Variants in MYRF observed in about 807,000 individuals in gnomAD.
MYRF encodes myelin regulatory factor.
Under a neutral mutation model 126.3 loss-of-function variants are expected in MYRF, and 16 were observed. The observed-to-expected ratio is 0.13, with a 90% CI of 0.09 to 0.19. The LOEUF is 0.19. MYRF is among the 10% of genes least tolerant of loss of function. MYRF has a pLI of 1.00. For missense variants in MYRF, 1,104 were observed against 1,547.0 expected (o/e 0.71, Z 4.80); for synonymous variants, 608 against 635.3 (o/e 0.96, Z 0.65).
chr11:61,766,698 C>T, intron 3 of MYRF: 1 of 266,818 alleles, frequency 3.7e-6, no homozygotes, highest in Non-Finnish European at 7.4e-6. Flanking sequence ...GAACCCAGGC[C>T]CTTCCCCCCA....
Position 61,770,345 on chromosome 11 carries a change from G to GCCCCCCCCCCCCCCC in MYRF, c.566_567insCCCCCCCCCCCCCCC (p.Pro192_Pro196dup). 1.3e-6 allele frequency: 2 copies of GCCCCCCCCCCCCCCC among 1,504,824 alleles called. No homozygotes were observed. The highest frequency in any genetic ancestry group is 9.0e-7 in the Non-Finnish European group (1 of 1,109,486). The allele number at this position is 1,504,824 out of a possible 1,614,324, so 93.2% of individuals were successfully genotyped here. On this transcript the variant is annotated inframe_insertion, in exon 5 of 27. Coordinates refer to ENST00000278836, the MANE Select transcript of MYRF (RefSeq NM_001127392.3). ...CCCCCACCTCCAGCCCACTTGCCAGGCCCCCCGCCACCCCCACCACCCCCA... is the reference window on the plus strand; with the variant it reads ...CCCCCACCTCCAGCCCACTTGCCAGGCCCCCCCCCCCCCCCCCCCCCGCCACCCCCACCACCCCCA...
chr11:61,779,228 T>TTGGCCCATGGCCCA (rs534400107), intron 14 of MYRF, 35 bp from the exon 15 acceptor site: 247 of 1,527,414 alleles, frequency 1.6e-4, no homozygotes, highest in African/African-American at 3.6e-4. Context: ...GCCCTCTGTG[T>TTGGCCCATGGCCCA]TGGCCCATGG....
chr11:61,777,608 C>T lies in MYRF; in HGVS notation c.1792-126C>T. ...AGGGAGGCTGGCCTCGAATCCCGAT[C>T]TAACCACTCCAGTGGTGGGGTCTCC... On this transcript the variant is annotated intron_variant, in intron 12 of 26. Transcript: ENST00000278836. This position sits in a 1 kb window ranked among gnomAD's most constrained non-coding sequence, Gnocchi z 8.8. 7.6e-7 allele frequency: 1 copy of T among 1,317,432 alleles called. No individual in the cohort carries two copies. Among genetic ancestry groups the T allele is most frequent in the African/African-American group, 1.5e-5 (1 of 68,408 alleles). The allele number at this position is 1,317,432 out of a possible 1,614,324, so 81.6% of individuals were successfully genotyped here. A position where few individuals can be genotyped will look rare whatever the true frequency, so the allele number is the denominator to read the frequency against.
chr11:61,759,793 AG>A (rs1166726815), intron 1 of MYRF, among the ~76,000 whole-genome samples: 3 of 152,110 alleles, frequency 2.0e-5, no homozygotes, highest in African/African-American at 7.2e-5. Context: ...AGAACCTGAT[AG>A]AAAAACGGCT....
chr11:61,766,658 C>G (rs1265831334), intron 3 of MYRF: 1 of 247,268 alleles, frequency 4.0e-6, no homozygotes, highest in Non-Finnish European at 8.0e-6. Flanking sequence ...CCTCAGTTCC[C>G]CCCTACCCAA....
In MYRF at chr11:61,776,174, C is replaced by T; in HGVS notation, c.1388+42C>T. On this transcript the variant is annotated intron_variant, in intron 9 of 26. Coordinates refer to ENST00000278836, the MANE Select transcript of MYRF (RefSeq NM_001127392.3). The surrounding 1 kb of genome is among the most constrained non-coding windows in gnomAD (Gnocchi z 4.3). The stretch of plus-strand genomic sequence containing the variant: ...GTTGGGGGTGGTACCTAGAAGGGTC[C>T]ACAACTAAAGCTGGCTTGGGAATGG... 6.2e-6 allele frequency: 10 copies of T among 1,606,990 alleles called. No homozygotes were observed. Among genetic ancestry groups the T allele is most frequent in the Non-Finnish European group, 8.5e-6 (10 of 1,173,630 alleles).
rs1591137265 is a variant in MYRF at position 61,785,947 on chromosome 11, G to T, written c.3375+73G>T. 14 of 1,570,882 alleles carry T rather than the reference G, an allele frequency of 8.9e-6. No individual in the cohort carries two copies. In the South Asian group the frequency reaches 1.6e-4, roughly 17 times the overall value. On this transcript the variant is annotated intron_variant, in intron 26 of 26. Coordinates refer to ENST00000278836, the MANE Select transcript of MYRF (RefSeq NM_001127392.3). ...TGCGACGTGGGGCTTGAGGAATGGG[G>T]GGTTTGCACAGTATGTGGTAGGGCT...
Position 61,774,105 on chromosome 11 carries a change from G to A in MYRF, c.1254G>A (p.Lys418=), listed in dbSNP as rs754600060. Residue 418 remains lysine (K), a synonymous_variant, in exon 8 of 27, where the codon AAG becomes AAA. Coordinates refer to ENST00000278836, the MANE Select transcript of MYRF (RefSeq NM_001127392.3). ...TGCTGGGCGAGCCCAAGTACGTCAA[G>A]ACGCCCGAGGGCCTCAAGCCCCTCG... ...IGMLGEPKYV[K]TPEGLKPLDC... is the part of the protein sequence containing the mutation. The A allele has an allele frequency of 6.2e-7, 1 of 1,613,846 alleles. No individual in the cohort carries two copies. Among genetic ancestry groups the A allele is most frequent in the Non-Finnish European group, 8.5e-7 (1 of 1,179,946 alleles).
chr11:61,776,912 C>A lies in MYRF; in HGVS notation c.1590+35C>A, dbSNP rs749460573. ...ACCTCCTCCCAGGGCGTAGACAGCC[C>A]TCCCCAGGACTGGGAGAAACAGCAA... On this transcript the variant is annotated intron_variant, in intron 11 of 26. Transcript: ENST00000278836. The surrounding 1 kb of genome is among the most constrained non-coding windows in gnomAD (Gnocchi z 4.3). 9.9e-6 allele frequency: 15 copies of A among 1,517,376 alleles called. No homozygotes were observed. The highest frequency in any genetic ancestry group is 1.3e-5 in the Non-Finnish European group (15 of 1,122,972). 94.0% of individuals were successfully genotyped at this position (1,517,376 alleles called of 1,614,324 possible). A position where few individuals can be genotyped will look rare whatever the true frequency, so the allele number is the denominator to read the frequency against.
At chr11:61,763,119 A>C (rs2135727457) in intron 1 of MYRF, among the ~76,000 whole-genome samples, 1 of 151,868 alleles carries the variant, frequency 6.6e-6, no homozygotes, top group Non-Finnish European at 1.5e-5. Flanking sequence ...AGGCTCAAAA[A>C]CTTGCAGCTT....
chr11:61,767,863 A>T (rs2066108816), intron 3 of MYRF, among the ~76,000 whole-genome samples: 1 of 150,866 alleles, frequency 6.6e-6, no homozygotes, highest in Non-Finnish European at 1.5e-5. Flanking sequence ...CATGCCTGTA[A>T]TCCCAGCACT....
chr11:61,769,268 C>T lies in MYRF; in HGVS notation c.407C>T (p.Pro136Leu). ...TCCCCTGGCTCTCGCAGCACACTGC[C>T]GGACTCTCCCCCAGACTCGGGCTCC... is the stretch of plus-strand genomic sequence containing the variant. ...PKAPYAPGTL[P>L]DSPPDSGSEA... The change falls in exon 4 of 27, where the codon CCG (proline) becomes CTG (leucine). Residue 136 changes from proline (P) to leucine (L), a missense_variant. By Grantham distance (98) the Pro-to-Leu change is moderately conservative. Transcript: ENST00000278836. The T allele has an allele frequency of 6.2e-7, 1 of 1,604,446 alleles. No individual in the cohort carries two copies. Among genetic ancestry groups the T allele is most frequent in the Non-Finnish European group, 8.5e-7 (1 of 1,176,076 alleles).
Position 61,777,095 on chromosome 11 carries a change from C to T in MYRF, c.1591-169C>T, listed in dbSNP as rs2066405298. Among the ~76,000 whole-genome samples, 1 of 152,106 alleles carries T rather than the reference C, an allele frequency of 6.6e-6. No individual in the cohort carries two copies. The highest frequency in any genetic ancestry group is 1.5e-5 in the Non-Finnish European group (1 of 68,016). ...AAGCCTGGTAGCTTCTGGGATCCCACAAGTGACAAAAAGTTGTCACAGTGG... is the reference window on the plus strand; with the variant it reads ...AAGCCTGGTAGCTTCTGGGATCCCATAAGTGACAAAAAGTTGTCACAGTGG... On this transcript the variant is annotated intron_variant, in intron 11 of 26. Transcript: ENST00000278836. The surrounding 1 kb of genome is among the most constrained non-coding windows in gnomAD (Gnocchi z 8.8).
chr11:61,776,932 C>G lies in MYRF; in HGVS notation c.1590+55C>G, dbSNP rs2066401852. The G allele has an allele frequency of 7.0e-7, 1 of 1,421,016 alleles. No homozygotes were observed. Among genetic ancestry groups the G allele is most frequent in the East Asian group, 2.4e-5 (1 of 41,214 alleles). The allele number at this position is 1,421,016 out of a possible 1,614,324, so 88.0% of individuals were successfully genotyped here. On this transcript the variant is annotated intron_variant, in intron 11 of 26. Transcript: ENST00000278836. The surrounding 1 kb of genome is among the most constrained non-coding windows in gnomAD (Gnocchi z 4.3). Reference sequence around the variant, plus strand: ...CAGCCCTCCCCAGGACTGGGAGAAACAGCAAGCAGAAGTACCCGGGTACTG... The same window carrying G: ...CAGCCCTCCCCAGGACTGGGAGAAAGAGCAAGCAGAAGTACCCGGGTACTG...
Position 61,783,680 on chromosome 11 carries a change from C to A in MYRF, c.3119+80C>A. The A allele has an allele frequency of 6.9e-7, 1 of 1,442,912 alleles. No homozygotes were observed. The highest frequency in any genetic ancestry group is 9.6e-7 in the Non-Finnish European group (1 of 1,037,700). The allele number at this position is 1,442,912 out of a possible 1,614,324, so 89.4% of individuals were successfully genotyped here. A position where few individuals can be genotyped will look rare whatever the true frequency, so the allele number is the denominator to read the frequency against. On this transcript the variant is annotated intron_variant, in intron 23 of 26. Coordinates refer to ENST00000278836, the MANE Select transcript of MYRF (RefSeq NM_001127392.3). This position sits in a 1 kb window ranked among gnomAD's most constrained non-coding sequence, Gnocchi z 4.6. ...GGTGGTACAGATCACCCGGAACTTG[C>A]CCTTTCAGGGAGGAGCCTCCCCCAT...
chr11:61,766,832 C>T (rs1342542142), intron 3 of MYRF: 2 of 349,526 alleles, frequency 5.7e-6, no homozygotes, highest in East Asian at 1.5e-4. Flanking sequence ...GGCACATGCT[C>T]ACAGCGGGAG....
intron 1 of MYRF, among the ~76,000 whole-genome samples, chr11:61,763,823 C>T (rs1301466218): frequency 6.6e-6 from 1 of 152,070 alleles, no homozygotes; most frequent in Non-Finnish European, 1.5e-5. Flanking sequence ...CAAGATTGCA[C>T]CACTGCACTC....
rs2066695037 is a variant in MYRF at position 61,786,340 on chromosome 11, A to T, written c.*197A>T. ...TGGTCGCCCCTCACGGCACAGAGGG[A>T]ACCTGAGAGCCAGAGACTTCTTGGG... On this transcript the variant is annotated 3_prime_UTR_variant, in exon 27 of 27. Transcript: ENST00000278836. The surrounding 1 kb of genome is among the most constrained non-coding windows in gnomAD (Gnocchi z 4.5). 3.3e-6 allele frequency: 2 copies of T among 613,284 alleles called. No homozygotes were observed. The highest frequency in any genetic ancestry group is 5.8e-6 in the Non-Finnish European group (2 of 346,654). The allele number at this position is 613,284 out of a possible 1,614,324, so 38.0% of individuals were successfully genotyped here. A position where few individuals can be genotyped will look rare whatever the true frequency, so the allele number is the denominator to read the frequency against.
chr11:61,770,585 G>T, intron 5 of MYRF, 60 bp downstream of exon 5: 1 of 1,463,886 alleles, frequency 6.8e-7, no homozygotes, highest in Non-Finnish European at 9.2e-7. Flanking sequence ...ACCAGGGTGG[G>T]CAGGGCGGCG....
Sources: gnomAD v4.1 joint callset for allele counts (sites outside exome capture counted in the v4.1 genomes callset) on GRCh38, gnomAD v4.1.1 for gene constraint, Gnocchi (gnomAD v3.1) non-coding constraint, MANE v1.5 for transcripts, NCBI Gene and HGNC (gene_info 2026-07-23, HGNC 2026-07-21) for gene names.